Variants in NRG1 observed in about 807,000 individuals in gnomAD.
The protein encoded by NRG1 is neuregulin 1, also known as pro-neuregulin-1, membrane-bound isoform.
In NRG1, 18 loss-of-function variants were observed where a neutral mutation model predicts 63.8. That is an observed-to-expected ratio of 0.28 (90% CI 0.19 to 0.42). NRG1 has a LOEUF of 0.42. Among genes scored for constraint, NRG1 ranks in the 10% least tolerant of loss-of-function variants. The probability of loss-of-function intolerance (pLI) is 1.00; values close to 1 mark genes in which losing one functional copy is unlikely to be tolerated. For synonymous variants in NRG1, 302 were observed against 301.3 expected (o/e 1.00, Z -0.02); for missense variants, 762 against 814.7 (o/e 0.94, Z 0.79).
At chr8:32,294,035 T>C (rs1016560915) in intron 1 of NRG1, among the ~76,000 whole-genome samples, 1 of 152,090 alleles carries the variant, frequency 6.6e-6, no homozygotes, top group Non-Finnish European at 1.5e-5. Flanking sequence ...GACTATTTCT[T>C]GACGGCCATC....
At chr8:32,491,252 T>C (rs1435645101) in intron 1 of NRG1, among the ~76,000 whole-genome samples, 1 of 152,218 alleles carries the variant, frequency 6.6e-6, no homozygotes, top group Middle Eastern at 3.2e-3. Flanking sequence ...AGATTAGTAC[T>C]ATTGGAACTA....
intron 1 of NRG1, among the ~76,000 whole-genome samples, chr8:31,760,672 A>C (rs1817445619): frequency 6.6e-6 from 1 of 152,190 alleles, no homozygotes; most frequent in African/African-American, 2.4e-5. Context: ...AAAAGAAGAC[A>C]TTTATGCAGC....
chr8:32,401,353 G>C (rs557136825), intron 1 of NRG1, among the ~76,000 whole-genome samples: 1 of 151,994 alleles, frequency 6.6e-6, no homozygotes, highest in Non-Finnish European at 1.5e-5. Context: ...CTGCAAACGT[G>C]CCCTGCTTTC....
intron 1 of NRG1, among the ~76,000 whole-genome samples, chr8:31,951,406 G>A (rs1261882195): frequency 6.6e-6 from 1 of 152,144 alleles, no homozygotes; most frequent in African/African-American, 2.4e-5. Flanking sequence ...AACCTACAAA[G>A]CATTTCTGGC....
At chr8:31,994,677 A>AAG in intron 1 of NRG1, among the ~76,000 whole-genome samples, 2 of 149,154 alleles carry the variant, frequency 1.3e-5, no homozygotes, top group African/African-American at 2.5e-5. Flanking sequence ...AAAAAAAAAA[A>AAG]AGACTTCAAA....
chr8:31,859,010 G>A (rs1828220640), intron 1 of NRG1, among the ~76,000 whole-genome samples: 2 of 152,100 alleles, frequency 1.3e-5, no homozygotes, highest in Non-Finnish European at 2.9e-5. Flanking sequence ...AGATTTTTAT[G>A]CTACAGAAAT....
chr8:32,073,019 T>C (rs201089386), intron 1 of NRG1, among the ~76,000 whole-genome samples: 1 of 141,936 alleles, frequency 7.0e-6, no homozygotes, highest in East Asian at 2.1e-4. Flanking sequence ...AAAAAAAAAA[T>C]TGGTCAAAGA....
At chr8:32,043,281 A>G (rs1168867515) in intron 1 of NRG1, among the ~76,000 whole-genome samples, 1 of 152,142 alleles carries the variant, frequency 6.6e-6, no homozygotes, top group Non-Finnish European at 1.5e-5. Context: ...AAAAGAAATC[A>G]ACCAACATTT....
At chr8:32,414,741 T>A (rs912289861) in intron 1 of NRG1, among the ~76,000 whole-genome samples, 1 of 152,180 alleles carries the variant, frequency 6.6e-6, no homozygotes, top group Non-Finnish European at 1.5e-5. Flanking sequence ...TGTTTTAGAA[T>A]CTTAGGGTCA....
In NRG1 at chr8:32,685,423, C is replaced by T. The variant is rs539126163; in HGVS notation, c.503-42526C>T. 1.5e-4 allele frequency among the ~76,000 whole-genome samples: 23 copies of T among 152,178 alleles called. 1 individual carries two copies. In the East Asian group the frequency reaches 3.9e-3, roughly 26 times the overall value. The stretch of plus-strand genomic sequence containing the variant: ...AGACTTGTCAGAATCTTGGAGGAGA[C>T]GTTTTGCAGACAAAGCCCAACTCTT... On this transcript the variant is annotated intron_variant, in intron 5 of 11. Coordinates refer to ENST00000356819, the Ensembl canonical transcript of NRG1.
exon 12 of NRG1, chr8:32,763,948 A>G (rs1434560420): frequency 1.2e-6 from 2 of 1,613,966 alleles, no homozygotes; most frequent in South Asian, 1.1e-5. Flanking sequence ...CGGGAGAAGA[A>G]GTTTGACCAT....
intron 1 of NRG1, among the ~76,000 whole-genome samples, chr8:31,745,077 G>A (rs1424564290): frequency 6.6e-6 from 1 of 151,954 alleles, no homozygotes; most frequent in Admixed American, 6.6e-5. Context: ...ATGCTTGTCA[G>A]AATTTTCCAG....
chr8:32,263,958 G>T (rs1850648172), intron 1 of NRG1, among the ~76,000 whole-genome samples: 1 of 152,134 alleles, frequency 6.6e-6, no homozygotes, highest in Non-Finnish European at 1.5e-5. Flanking sequence ...AAACTGAGGA[G>T]ACCCTAGGGA....
chr8:32,477,222 G>C (rs1239554761), intron 1 of NRG1, among the ~76,000 whole-genome samples: 1 of 152,048 alleles, frequency 6.6e-6, no homozygotes, highest in Non-Finnish European at 1.5e-5. Context: ...AGCCATCAAG[G>C]AGGCTCTCAT....
At chr8:31,952,856 G>A (rs531342819) in intron 1 of NRG1, among the ~76,000 whole-genome samples, 1 of 152,272 alleles carries the variant, frequency 6.6e-6, no homozygotes, top group South Asian at 2.1e-4. Flanking sequence ...GCCATCATTT[G>A]TTGATTCATA....
intron 6 of NRG1, among the ~76,000 whole-genome samples, chr8:32,737,076 A>C (rs1268456390): frequency 6.6e-6 from 1 of 152,210 alleles, no homozygotes. Context: ...AAGTTTGGTT[A>C]GTAGAATGCA....
chr8:31,893,698 A>G (rs556389866), intron 1 of NRG1, among the ~76,000 whole-genome samples: 30 of 108 alleles, frequency 0.28, no homozygotes, highest in Middle Eastern at 0.5. Context: ...AAAGTGGTCA[A>G]TGTCTTTAAA....
intron 1 of NRG1, among the ~76,000 whole-genome samples, chr8:32,346,070 A>G (rs1200558856): frequency 2.0e-5 from 3 of 147,398 alleles, no homozygotes; most frequent in Non-Finnish European, 3.0e-5. Flanking sequence ...TATTTTATAT[A>G]TAATATATAC....
chr8:31,787,204 T>C (rs1434241730), intron 1 of NRG1, among the ~76,000 whole-genome samples: 1 of 152,068 alleles, frequency 6.6e-6, no homozygotes, highest in Non-Finnish European at 1.5e-5. Context: ...ATAATACGAA[T>C]TTTTTTATAC....
Sources: gnomAD v4.1 joint callset for allele counts (sites outside exome capture counted in the v4.1 genomes callset) on GRCh38, gnomAD v4.1.1 for gene constraint, MANE v1.5 for transcripts, NCBI Gene and HGNC (gene_info 2026-07-23, HGNC 2026-07-21) for gene names.